The following SLC25A21 variants were observed in gnomAD, a reference collection of about 807,000 sequenced individuals.
SLC25A21 encodes solute carrier family 25 member 21, also known as mitochondrial 2-oxodicarboxylate carrier.
In SLC25A21, 47 loss-of-function variants were observed where a neutral mutation model predicts 43.8. The ratio of observed to expected loss-of-function variants is 1.07; its 90% CI spans 0.85 to 1.37. SLC25A21 has a LOEUF of 1.37. SLC25A21 is among the 40% of genes most tolerant of loss of function. The pLI, the probability that SLC25A21 is intolerant of heterozygous loss-of-function variation, is 0.00. For missense variants in SLC25A21, 352 were observed against 350.2 expected, an observed-to-expected ratio of 1.00 and a Z score of -0.04; for synonymous variants, 131 against 121.3, an observed-to-expected ratio of 1.08 and a Z score of -0.52.
At chr14:36,973,246 G>A (rs1416376649) in intron 1 of SLC25A21, among the ~76,000 whole-genome samples, 1 of 152,060 alleles carries the variant, frequency 6.6e-6, no homozygotes. Flanking sequence ...AAGCAGAGAA[G>A]CTGGAGGTGG....
rs942629347 is a variant in SLC25A21, at chr14:37,077,938, T to C, written c.70+94343A>G. ...AAAGGACTTAAATCTATAGACATTTTAAAAATTTTTTTAAAATTTTTAAAC... is the reference window on the plus strand; with the variant it reads ...AAAGGACTTAAATCTATAGACATTTCAAAAATTTTTTTAAAATTTTTAAAC... On this transcript the variant is annotated intron_variant, in intron 1 of 9. Coordinates refer to ENST00000331299, the MANE Select transcript of SLC25A21 (RefSeq NM_030631.4). 2.6e-5 allele frequency among the ~76,000 whole-genome samples: 4 copies of C among 152,202 alleles called. No homozygotes were observed. The East Asian group carries it at 5.8e-4, about 22-fold the overall frequency.
intron 3 of SLC25A21, among the ~76,000 whole-genome samples, chr14:36,776,774 A>T (rs11846596): frequency 6.6e-6 from 1 of 151,794 alleles, no homozygotes; most frequent in African/African-American, 2.4e-5. Flanking sequence ...TCTATTTCAC[A>T]GAGTAAATAG....
chr14:36,963,598 T>C (rs1230333500), intron 1 of SLC25A21, among the ~76,000 whole-genome samples: 1 of 152,186 alleles, frequency 6.6e-6, no homozygotes, highest in African/African-American at 2.4e-5. Context: ...AACATTTTGA[T>C]GTTTTGCTAG....
intron 1 of SLC25A21, among the ~76,000 whole-genome samples, chr14:37,013,482 T>C (rs1039053527): frequency 6.6e-6 from 1 of 152,168 alleles, no homozygotes; most frequent in Non-Finnish European, 1.5e-5. Context: ...TTCTGTATCT[T>C]AACCATCAAA....
At chr14:37,017,717 T>TATC (rs1408631919) in intron 1 of SLC25A21, among the ~76,000 whole-genome samples, 2 of 151,916 alleles carry the variant, frequency 1.3e-5, no homozygotes, top group Non-Finnish European at 2.9e-5. Flanking sequence ...TAAAATCACT[T>TATC]ATTATTATTA....
At chr14:36,888,200 T>TA (rs1890977835) in intron 1 of SLC25A21, among the ~76,000 whole-genome samples, 1 of 152,170 alleles carries the variant, frequency 6.6e-6, no homozygotes, top group Non-Finnish European at 1.5e-5. Flanking sequence ...TTTACAATTA[T>TA]AGTATATGGA....
chr14:36,702,705 G>A (rs937070443), intron 7 of SLC25A21, among the ~76,000 whole-genome samples: 1 of 152,076 alleles, frequency 6.6e-6, no homozygotes, highest in African/African-American at 2.4e-5. Context: ...ACGTCATTAA[G>A]AGAGGAGCAA....
At position 36,866,327 on chromosome 14, in the gene SLC25A21, C is replaced by A. The variant is rs184611637; in HGVS notation, c.119+8629G>T. 4.6e-5 allele frequency among the ~76,000 whole-genome samples: 7 copies of A among 152,116 alleles called. No individual in the cohort carries two copies. In the East Asian group the frequency reaches 1.4e-3, roughly 29 times the overall value. On this transcript the variant is annotated intron_variant, in intron 2 of 9. Transcript: ENST00000331299. ...GGATTGGCAGTTTATGTAGTGTGCA[C>A]CTGATTTATGCTCTGTTCAAAACTG... is the stretch of plus-strand genomic sequence containing the variant.
At chr14:36,975,963 A>G (rs888275569) in intron 1 of SLC25A21, among the ~76,000 whole-genome samples, 1 of 152,232 alleles carries the variant, frequency 6.6e-6, no homozygotes, top group Non-Finnish European at 1.5e-5. Flanking sequence ...ACTCTCAGGC[A>G]GTCGCTTGCC....
intron 6 of SLC25A21, among the ~76,000 whole-genome samples, chr14:36,717,694 C>T (rs1884202697): frequency 6.6e-6 from 1 of 152,210 alleles, no homozygotes. Flanking sequence ...TAAACACTTT[C>T]TTTTGCTTTT....
chr14:37,151,754 G>A (rs998953033), intron 1 of SLC25A21, among the ~76,000 whole-genome samples: 3 of 152,176 alleles, frequency 2.0e-5, no homozygotes, highest in Admixed American at 6.5e-5. Flanking sequence ...TCATCTTCAA[G>A]AAATTACAAA....
Position 37,068,282 on chromosome 14 carries a change from T to C in SLC25A21, c.70+103999A>G, listed in dbSNP as rs12886113. On this transcript the variant is annotated intron_variant, in intron 1 of 9. Coordinates refer to ENST00000331299, the MANE Select transcript of SLC25A21 (RefSeq NM_030631.4). ...AAAGGGAAGCCAACTAGGAGATATT[T>C]TGTGACAGTGATTAAAGTGCTTTTC... Among the ~76,000 whole-genome samples the C allele has an allele frequency of 2.9e-3, 438 of 152,280 alleles. 2 individuals carry two copies. Among genetic ancestry groups the C allele is most frequent in the Non-Finnish European group, 5.2e-3 (353 of 68,008 alleles).
chr14:37,060,384 A>AATAATG (rs1226117159), intron 1 of SLC25A21, among the ~76,000 whole-genome samples: 1 of 122,374 alleles, frequency 8.2e-6, no homozygotes, highest in East Asian at 2.1e-4. Flanking sequence ...ACTCTCTAAT[A>AATAATG]ATAATAATAA....
chr14:36,994,680 A>G (rs894436799), intron 1 of SLC25A21, among the ~76,000 whole-genome samples: 8 of 152,122 alleles, frequency 5.3e-5, no homozygotes, highest in Non-Finnish European at 1.0e-4. Flanking sequence ...ATCTGTCTCA[A>G]TCTGCCCTTA....
chr14:36,678,717 A>C lies in SLC25A21; in HGVS notation c.*1941T>G. 1 of 1,212,972 alleles carries C rather than the reference A, an allele frequency of 8.2e-7. No individual in the cohort carries two copies. Among genetic ancestry groups the C allele is most frequent in the Non-Finnish European group, 1.0e-6 (1 of 971,700 alleles). The allele number at this position is 1,212,972 out of a possible 1,614,324, so 75.1% of individuals were successfully genotyped here. A position where few individuals can be genotyped will look rare whatever the true frequency, so the allele number is the denominator to read the frequency against. On this transcript the variant is annotated 3_prime_UTR_variant, in exon 10 of 10. Transcript: ENST00000331299. ...TGTTATTTTCTTTATCTAAATTAAG[A>C]AATCTCTTGTTATTGTGCTATTTAT...
At chr14:36,894,357 T>A (rs1392515943) in intron 1 of SLC25A21, among the ~76,000 whole-genome samples, 1 of 152,210 alleles carries the variant, frequency 6.6e-6, no homozygotes, top group Non-Finnish European at 1.5e-5. Context: ...TATTGGTATA[T>A]AAGAATGCTT....
intron 1 of SLC25A21, among the ~76,000 whole-genome samples, chr14:36,920,200 A>G (rs1377793964): frequency 6.6e-6 from 1 of 152,088 alleles, no homozygotes; most frequent in East Asian, 1.9e-4. Flanking sequence ...ATCCTATTAA[A>G]GACACATATA....
intron 1 of SLC25A21, among the ~76,000 whole-genome samples, chr14:37,071,760 A>C (rs952808215): frequency 6.6e-6 from 1 of 152,214 alleles, no homozygotes; most frequent in Non-Finnish European, 1.5e-5. Context: ...ACTACTCTGC[A>C]TTTTGTCAAA....
intron 1 of SLC25A21, among the ~76,000 whole-genome samples, chr14:37,150,373 A>G (rs1398537125): frequency 6.6e-6 from 1 of 152,200 alleles, no homozygotes; most frequent in African/African-American, 2.4e-5. Context: ...AACCAACATA[A>G]AGAAAATAAA....
Sources: allele counts gnomAD v4.1 joint callset (sites outside exome capture counted in the v4.1 genomes callset), GRCh38; gene constraint gnomAD v4.1.1; transcripts MANE v1.5; gene names NCBI Gene and HGNC (gene_info 2026-07-23, HGNC 2026-07-21).